The following COL23A1 variants were observed in gnomAD, a reference collection of about 807,000 sequenced individuals.
The protein encoded by COL23A1 is collagen type XXIII alpha 1 chain, also known as collagen alpha-1(XXIII) chain.
A neutral mutation model predicts 99.3 loss-of-function variants in COL23A1; 97 were observed. The ratio of observed to expected loss-of-function variants is 0.98; its 90% CI spans 0.83 to 1.16. The LOEUF is 1.16. Among genes scored for constraint, COL23A1 ranks in the 50% most tolerant of loss-of-function variants. The probability of loss-of-function intolerance (pLI) is 0.00; values close to 1 mark genes in which losing one functional copy is unlikely to be tolerated. For missense variants in COL23A1, 762 were observed against 757.4 expected, an observed-to-expected ratio of 1.01 and a Z score of -0.07; for synonymous variants, 320 against 308.2, an observed-to-expected ratio of 1.04 and a Z score of -0.40.
At chr5:178,479,213 T>C (rs1757196453) in intron 2 of COL23A1, among the ~76,000 whole-genome samples, 1 of 152,138 alleles carries the variant, frequency 6.6e-6, no homozygotes, top group African/African-American at 2.4e-5. Context: ...CAAGTACCCT[T>C]ATTCATACCC....
chr5:178,502,684 T>C (rs778047044), intron 2 of COL23A1, among the ~76,000 whole-genome samples: 12 of 152,190 alleles, frequency 7.9e-5, no homozygotes, highest in African/African-American at 2.9e-4. Context: ...TTAGGATGTT[T>C]GGAAAACATT....
At chr5:178,479,622 G>A (rs917319884) in intron 2 of COL23A1, among the ~76,000 whole-genome samples, 50 of 152,332 alleles carry the variant, frequency 3.3e-4, no homozygotes, top group African/African-American at 1.0e-3. Flanking sequence ...TTAGGGACAA[G>A]TGGAGAAATG....
chr5:178,343,268 G>A (rs1175885792), intron 2 of COL23A1, among the ~76,000 whole-genome samples: 1 of 152,170 alleles, frequency 6.6e-6, no homozygotes, highest in Admixed American at 6.5e-5. Flanking sequence ...AATTAGCTAA[G>A]ATCCAGAAGA....
At chr5:178,275,651 G>C (rs1364370635) in intron 5 of COL23A1, among the ~76,000 whole-genome samples, 2 of 152,124 alleles carry the variant, frequency 1.3e-5, no homozygotes, top group Non-Finnish European at 2.9e-5. Flanking sequence ...TTCTCTTACA[G>C]GGTCATGGTT....
chr5:178,511,408 T>C (rs1759197091), intron 2 of COL23A1, among the ~76,000 whole-genome samples: 1 of 152,212 alleles, frequency 6.6e-6, no homozygotes, highest in Non-Finnish European at 1.5e-5. Flanking sequence ...AGACCTTCAT[T>C]CTTCACCTCC....
At chr5:178,339,864 T>C (rs1319458738) in intron 2 of COL23A1, among the ~76,000 whole-genome samples, 7 of 152,234 alleles carry the variant, frequency 4.6e-5, no homozygotes, top group Admixed American at 4.6e-4. Context: ...GAAGCATTCC[T>C]GGCTTTCATG....
intron 2 of COL23A1, among the ~76,000 whole-genome samples, chr5:178,473,347 T>G (rs554591600): frequency 1.6e-4 from 25 of 151,826 alleles, no homozygotes; most frequent in Admixed American, 1.1e-3. Flanking sequence ...CAGGCTGGAG[T>G]GCAGTGGCAC....
intron 3 of COL23A1, among the ~76,000 whole-genome samples, chr5:178,290,979 G>C (rs972172402): frequency 6.6e-6 from 1 of 152,190 alleles, no homozygotes; most frequent in Non-Finnish European, 1.5e-5. Flanking sequence ...TTGCATACTC[G>C]TTATTGCATT....
intron 2 of COL23A1, among the ~76,000 whole-genome samples, chr5:178,424,974 G>A (rs918422918): frequency 1.3e-5 from 2 of 152,186 alleles, no homozygotes; most frequent in Non-Finnish European, 2.9e-5. Flanking sequence ...GGAAGCGAGC[G>A]CCCAGGCTGC....
chr5:178,559,312 C>T (rs910291103), intron 2 of COL23A1, among the ~76,000 whole-genome samples: 80 of 152,304 alleles, frequency 5.3e-4, no homozygotes, highest in African/African-American at 1.4e-3. Flanking sequence ...GTTTGGTTTC[C>T]GGACACTTGG....
Position 178,543,509 on chromosome 5 carries a change from G to A in COL23A1, c.361+17173C>T, listed in dbSNP as rs73344426. Among the ~76,000 whole-genome samples the A allele has an allele frequency of 7.6e-3, 1,150 of 152,242 alleles. 15 individuals carry two copies. Among genetic ancestry groups the A allele is most frequent in the African/African-American group, 0.024 (1,009 of 41,536 alleles). On this transcript the variant is annotated intron_variant, in intron 2 of 28. Transcript: ENST00000390654. ...GGTTCTTCAGGAAGAAGAAAAAGGC[G>A]TGTTCAGTTATGAAATAAGCCACTC... is the stretch of plus-strand genomic sequence containing the variant.
chr5:178,295,944 A>C (rs1757718705), intron 3 of COL23A1, among the ~76,000 whole-genome samples: 1 of 152,244 alleles, frequency 6.6e-6, no homozygotes, highest in Admixed American at 6.5e-5. Context: ...AGTGGTCATC[A>C]GGGTTGCTTC....
chr5:178,272,437 G>A (rs749164788), intron 5 of COL23A1, among the ~76,000 whole-genome samples: 13 of 152,196 alleles, frequency 8.5e-5, no homozygotes, highest in Non-Finnish European at 1.9e-4. Flanking sequence ...GTGTCAAAGG[G>A]CTTCTGGCCA....
rs1277855854 is a variant in COL23A1 at position 178,458,163 on chromosome 5, T to C, written c.361+102519A>G. ...GGGTGTCAGTAGAAATAACTGCGATTGACCTCACTTCTGGAGGATGCTGGG... is the reference window on the plus strand; with the variant it reads ...GGGTGTCAGTAGAAATAACTGCGATCGACCTCACTTCTGGAGGATGCTGGG... On this transcript the variant is annotated intron_variant, in intron 2 of 28. Coordinates refer to ENST00000390654, the MANE Select transcript of COL23A1 (RefSeq NM_173465.4). Among the ~76,000 whole-genome samples the C allele has an allele frequency of 0.013, 33 of 2,570 alleles. No individual in the cohort carries two copies. In the African/African-American group the frequency reaches 0.17, roughly 13 times the overall value. The allele number at this position is 2,570 out of a possible 152,430, so 1.7% of individuals were successfully genotyped here. A position where few individuals can be genotyped will look rare whatever the true frequency, so the allele number is the denominator to read the frequency against.
chr5:178,288,358 A>G lies in COL23A1; in HGVS notation c.415-8T>C. ...ATCTCGTCCTGATTGCCCCTGTGGT[A>G]ATTAATATGTCATTAATAATCAGAG... is the stretch of plus-strand genomic sequence containing the variant. On this transcript the variant is annotated splice_region_variant and splice_polypyrimidine_tract_variant and intron_variant, in intron 4 of 28. Transcript: ENST00000390654. 6.2e-7 allele frequency: 1 copy of G among 1,611,070 alleles called. No individual in the cohort carries two copies. Among genetic ancestry groups the G allele is most frequent in the Non-Finnish European group, 8.5e-7 (1 of 1,177,120 alleles).
intron 2 of COL23A1, among the ~76,000 whole-genome samples, chr5:178,411,775 T>C (rs1765068159): frequency 6.6e-6 from 1 of 152,254 alleles, no homozygotes. Flanking sequence ...TTTTGTGCTA[T>C]ATGAATTTCA....
chr5:178,252,235 A>G (rs569947601), intron 17 of COL23A1, among the ~76,000 whole-genome samples: 1 of 152,262 alleles, frequency 6.6e-6, no homozygotes, highest in East Asian at 1.9e-4. Flanking sequence ...TTCTGTATTA[A>G]TTCACTTAGG....
At chr5:178,504,411 G>A (rs569895496) in intron 2 of COL23A1, among the ~76,000 whole-genome samples, 65 of 152,316 alleles carry the variant, frequency 4.3e-4, no homozygotes, top group African/African-American at 1.5e-3. Context: ...ATGGTGGGGC[G>A]GACCCTGGGA....
chr5:178,563,850 C>T (rs76174860), intron 1 of COL23A1, among the ~76,000 whole-genome samples: 4,804 of 152,182 alleles, frequency 0.032, 283 homozygotes, highest in African/African-American at 0.11. Context: ...CGCTTTTCCC[C>T]ATTGTATTCG....
Sources: allele counts gnomAD v4.1 joint callset (sites outside exome capture counted in the v4.1 genomes callset), GRCh38; gene constraint gnomAD v4.1.1; transcripts MANE v1.5; gene names NCBI Gene and HGNC (gene_info 2026-07-23, HGNC 2026-07-21).